AK3: variants seen among roughly 807,000 people sequenced by gnomAD.
The protein encoded by AK3 is GTP:AMP phosphotransferase AK3, mitochondrial.
In AK3, 27 loss-of-function variants were observed where a neutral mutation model predicts 23.7. The ratio of observed to expected loss-of-function variants is 1.14; its 90% CI spans 0.84 to 1.57. The LOEUF is 1.57. Among genes scored for constraint, AK3 ranks in the 40% most tolerant of loss-of-function variants. The pLI, the probability that AK3 is intolerant of heterozygous loss-of-function variation, is 0.00. For synonymous variants in AK3, 159 were observed against 116.0 expected (o/e 1.37, Z -2.38); for missense variants, 406 against 285.6 (o/e 1.42, Z -3.04).
At position 4,711,963 on chromosome 9, in the gene AK3, T is replaced by C. The variant is rs1841573218; in HGVS notation, c.*1013A>G. The stretch of plus-strand genomic sequence containing the variant: ...ACTAATTATGATTGATTGCTATTTA[T>C]GCCAAGGGAGCATTTCCCAGGCATG... On this transcript the variant is annotated 3_prime_UTR_variant, in exon 5 of 5. Transcript: ENST00000381809. 6.6e-6 allele frequency: 1 copy of C among 152,230 alleles called. No homozygotes were observed. 9.4% of individuals were successfully genotyped at this position (152,230 alleles called of 1,614,324 possible).
At chr9:4,714,270 G>T (rs766698501) in intron 4 of AK3, among the ~76,000 whole-genome samples, 1 of 110,518 alleles carries the variant, frequency 9.0e-6, no homozygotes, top group African/African-American at 3.1e-5. Flanking sequence ...GACAACCTAA[G>T]AACTCTGGTT....
At chr9:4,727,375 C>T (rs1326324487) in intron 1 of AK3, among the ~76,000 whole-genome samples, 1 of 152,202 alleles carries the variant, frequency 6.6e-6, no homozygotes, top group East Asian at 1.9e-4. Context: ...CATCAATGAT[C>T]TTAGCTAGAT....
chr9:4,715,616 C>T (rs1217066037), intron 4 of AK3, among the ~76,000 whole-genome samples: 1 of 152,054 alleles, frequency 6.6e-6, no homozygotes, highest in Non-Finnish European at 1.5e-5. Context: ...CCAGGCTGAT[C>T]TTGAATTCCT....
At chr9:4,719,358 G>T in intron 2 of AK3, 51 bp from the exon 3 acceptor site, 2 of 1,135,514 alleles carry the variant, frequency 1.8e-6, no homozygotes, top group East Asian at 2.5e-5. Context: ...GGAAGTATGG[G>T]GTGGGGGTGG....
At chr9:4,733,377 G>A (rs1056570095) in intron 1 of AK3, among the ~76,000 whole-genome samples, 1 of 152,042 alleles carries the variant, frequency 6.6e-6, no homozygotes, top group African/African-American at 2.4e-5. Flanking sequence ...AGTCAACAAA[G>A]TGGTTACCTC....
chr9:4,722,772 T>C, intron 1 of AK3, 147 bp from the exon 2 acceptor site: 1 of 1,278,368 alleles, frequency 7.8e-7, no homozygotes, highest in Admixed American at 2.2e-5. Flanking sequence ...AAACAAAGGT[T>C]ATGGCCGGGA....
At chr9:4,722,887 T>C (rs1263162923) in intron 1 of AK3, among the ~76,000 whole-genome samples, 1 of 152,066 alleles carries the variant, frequency 6.6e-6, no homozygotes, top group Non-Finnish European at 1.5e-5. Flanking sequence ...TGAAACCCAG[T>C]CTCTACAGAA....
chr9:4,715,325 A>G (rs899602762), intron 4 of AK3, among the ~76,000 whole-genome samples: 1 of 151,330 alleles, frequency 6.6e-6, no homozygotes, highest in African/African-American at 2.4e-5. Context: ...CTTCTAAAAT[A>G]TCTCCTAAGA....
At chr9:4,734,963 CAGG>C (rs1168305443) in intron 1 of AK3, among the ~76,000 whole-genome samples, 3 of 151,694 alleles carry the variant, frequency 2.0e-5, no homozygotes, top group Non-Finnish European at 4.4e-5. Flanking sequence ...TCAAAAGAGA[CAGG>C]AGGTGAGTTG....
At chr9:4,731,886 T>G (rs1237870740) in intron 1 of AK3, among the ~76,000 whole-genome samples, 1 of 152,160 alleles carries the variant, frequency 6.6e-6, no homozygotes, top group African/African-American at 2.4e-5. Context: ...ATGAAGACAA[T>G]GGGGATGAAG....
At chr9:4,729,484 G>T (rs1226956309) in intron 1 of AK3, among the ~76,000 whole-genome samples, 1 of 151,804 alleles carries the variant, frequency 6.6e-6, no homozygotes, top group Non-Finnish European at 1.5e-5. Context: ...AGGGAGGGGG[G>T]AAAGACAGTT....
Position 4,719,226 on chromosome 9 carries a change from A to G in AK3, c.353T>C (p.Phe118Ser), listed in dbSNP as rs752710904. The G allele has an allele frequency of 4.3e-6, 7 of 1,612,054 alleles. No homozygotes were observed. In the East Asian group the frequency reaches 6.7e-5, roughly 15 times the overall value. Residue 118 changes from phenylalanine (F) to serine (S), a missense_variant, in exon 3 of 5, where the codon TTT becomes TCT. Transcript: ENST00000381809. ...IDTVINLNVP[F>S]EVIKQRLTAR... The stretch of plus-strand genomic sequence containing the variant: ...AGTAAGGCGTTGTTTAATGACCTCA[A>G]AGGGCACATTCAGGTTAATCACTGT...
intron 1 of AK3, among the ~76,000 whole-genome samples, chr9:4,728,886 C>CATACAT (rs71326126): frequency 0.037 from 5,167 of 140,116 alleles, 327 homozygotes; most frequent in African/African-American, 0.13. Flanking sequence ...CACACACATA[C>CATACAT]ATATATATAC....
At chr9:4,734,138 A>C (rs767064099) in intron 1 of AK3, among the ~76,000 whole-genome samples, 11 of 152,184 alleles carry the variant, frequency 7.2e-5, no homozygotes, top group Non-Finnish European at 7.4e-5. Flanking sequence ...GCACTAATCC[A>C]ATAAGCCTGG....
At chr9:4,728,520 G>A (rs187095786) in intron 1 of AK3, among the ~76,000 whole-genome samples, 1 of 152,180 alleles carries the variant, frequency 6.6e-6, no homozygotes, top group South Asian at 2.1e-4. Flanking sequence ...TCAGTGACCT[G>A]AATAGCTGCC....
At position 4,741,023 on chromosome 9, in the gene AK3, G is replaced by A; in HGVS notation, c.65C>T (p.Thr22Ile). The A allele has an allele frequency of 6.3e-7, 1 of 1,588,882 alleles. No homozygotes were observed. Among genetic ancestry groups the A allele is most frequent in the Non-Finnish European group, 8.5e-7 (1 of 1,169,760 alleles). Residue 22 changes from threonine to isoleucine, a missense_variant, in exon 1 of 5, where the codon ACC becomes ATC. Thr to Ile is a moderately conservative substitution (Grantham distance 89, BLOSUM62 -1). Transcript: ENST00000381809. ...IMGAPGSGKG[T>I]VSSRITTHFE... ...GTGTGTAGTGATGCGCGACGACACG[G>A]TGCCCTTGCCCGAGCCCGGGGCCCC...
intron 1 of AK3, among the ~76,000 whole-genome samples, chr9:4,737,788 C>G (rs1160346464): frequency 6.6e-6 from 1 of 152,208 alleles, no homozygotes; most frequent in Admixed American, 6.5e-5. Flanking sequence ...AGTTCCCTGA[C>G]TCCAAGTTTC....
intron 4 of AK3, among the ~76,000 whole-genome samples, chr9:4,717,382 A>AAG (rs1841765088): frequency 6.6e-6 from 1 of 152,166 alleles, no homozygotes; most frequent in Non-Finnish European, 1.5e-5. Context: ...CAGACAAAAC[A>AAG]AGAGCAGACA....
chr9:4,735,312 AAT>A (rs74199703), intron 1 of AK3, among the ~76,000 whole-genome samples: 323 of 10,730 alleles, frequency 0.03, 23 homozygotes, highest in Non-Finnish European at 0.033. Flanking sequence ...TACATATATA[AAT>A]ATATATATAC....
Sources: gnomAD v4.1 joint callset for allele counts (sites outside exome capture counted in the v4.1 genomes callset) on GRCh38, gnomAD v4.1.1 for gene constraint, MANE v1.5 for transcripts, NCBI Gene and HGNC (gene_info 2026-07-23, HGNC 2026-07-21) for gene names.